Variants in C5orf58 observed in about 807,000 individuals in gnomAD.
C5orf58 encodes the protein putative uncharacterized protein C5orf58.
C5orf58 carries 2 observed loss-of-function variants against 2.9 expected under a neutral mutation model. That is an observed-to-expected ratio of 0.69 (90% CI 0.28 to 2.18). The LOEUF (loss-of-function observed/expected upper bound fraction) is 2.18, where lower values mean the gene tolerates loss of function less well. C5orf58 is among the 30% of genes most tolerant of loss of function. C5orf58 has a pLI of 0.13. For missense variants in C5orf58, 96 were observed against 91.7 expected (o/e 1.05, Z -0.19); for synonymous variants, 37 against 33.4 (o/e 1.11, Z -0.37).
chr5:170,250,843 T>G, downstream of C5orf58: 3 of 1,613,526 alleles, frequency 1.9e-6, no homozygotes, highest in South Asian at 3.3e-5. Context: ...TATGGATTGG[T>G]TGTTGTTTTT....
chr5:170,249,043 C>T (rs1045622594), downstream of C5orf58, among the ~76,000 whole-genome samples: 2 of 152,062 alleles, frequency 1.3e-5, no homozygotes, highest in African/African-American at 4.8e-5. Context: ...AAATATGGGC[C>T]GGGTGCAGTA....
At chr5:170,251,783 A>G in exon 3 of C5orf58, 1 of 383,530 alleles carries the variant, frequency 2.6e-6, no homozygotes. Context: ...CAGAATAATT[A>G]GAATCTCAAG....
downstream of C5orf58, chr5:170,246,636 C>T (rs1761303892): frequency 6.5e-6 from 1 of 153,326 alleles, no homozygotes; most frequent in Admixed American, 6.5e-5. Context: ...GCAGGCAGCT[C>T]CAAGTGTACA....
chr5:170,243,345 G>C (rs1761104990), intron 3 of C5orf58, among the ~76,000 whole-genome samples: 1 of 117,764 alleles, frequency 8.5e-6, no homozygotes, highest in Non-Finnish European at 1.8e-5. Flanking sequence ...TTGACTTTCT[G>C]TCTCATTGAT....
chr5:170,242,168 G>T (rs1192174469), intron 3 of C5orf58, among the ~76,000 whole-genome samples: 3 of 150,882 alleles, frequency 2.0e-5, no homozygotes, highest in African/African-American at 7.3e-5. Context: ...TATGCTGCTG[G>T]ATTCGTTTTG....
intron 3 of C5orf58, chr5:170,237,477 TAA>T: frequency 2.6e-6 from 1 of 391,382 alleles, no homozygotes; most frequent in South Asian, 1.4e-4. Context: ...AAGTGATTTT[TAA>T]AGAGACAAAA....
chr5:170,234,915 TA>T, intron 2 of C5orf58, 61 bp from the exon 3 acceptor site: 1 of 650,584 alleles, frequency 1.5e-6, no homozygotes, highest in Non-Finnish European at 2.6e-6. Flanking sequence ...AAAATGTAAG[TA>T]TTTTAAAAGT....
At chr5:170,245,458 C>T (rs559922854) in intron 3 of C5orf58, among the ~76,000 whole-genome samples, 89 of 152,278 alleles carry the variant, frequency 5.8e-4, no homozygotes, top group African/African-American at 2.1e-3. Context: ...AAGCCAGGTG[C>T]GGGATATAAT....
At chr5:170,249,405 T>C (rs1761379149), downstream of C5orf58, among the ~76,000 whole-genome samples, 1 of 150,870 alleles carries the variant, frequency 6.6e-6, no homozygotes, top group African/African-American at 2.4e-5. Context: ...TATATATATA[T>C]GTAATTTGAA....
chr5:170,249,267 G>C (rs530918744), downstream of C5orf58, among the ~76,000 whole-genome samples: 7 of 151,940 alleles, frequency 4.6e-5, no homozygotes, highest in African/African-American at 1.7e-4. Context: ...AGAGGTTGCA[G>C]TGAGCCGAGA....
chr5:170,243,793 T>C (rs1186799523), intron 3 of C5orf58, among the ~76,000 whole-genome samples: 1 of 151,098 alleles, frequency 6.6e-6, no homozygotes, highest in African/African-American at 2.4e-5. Context: ...AAGTTAATAT[T>C]GTTATGTGTG....
At chr5:170,245,921 T>A in intron 3 of C5orf58, 41 bp from the exon 4 acceptor site, 1 of 1,566,842 alleles carries the variant, frequency 6.4e-7, no homozygotes, top group Non-Finnish European at 8.7e-7. Context: ...TTTTATGACA[T>A]ATGTGCTACA....
chr5:170,243,715 G>T (rs1280897328), intron 3 of C5orf58, among the ~76,000 whole-genome samples: 26 of 150,418 alleles, frequency 1.7e-4, no homozygotes, highest in Non-Finnish European at 3.1e-4. Context: ...ACACTGATGG[G>T]TCTTGACTCT....
chr5:170,248,704 T>C, downstream of C5orf58: 1 of 1,612,026 alleles, frequency 6.2e-7, no homozygotes, highest in Middle Eastern at 1.7e-4. Context: ...TTGCTATGGG[T>C]ACCCTGCAGC....
downstream of C5orf58, chr5:170,247,094 G>A (rs1483700786): frequency 2.6e-5 from 4 of 152,182 alleles, no homozygotes; most frequent in African/African-American, 4.8e-5. Context: ...AAGACAAGTG[G>A]AGCTTACTCG....
At chr5:170,250,766 T>C, downstream of C5orf58, 1 of 1,613,528 alleles carries the variant, frequency 6.2e-7, no homozygotes. Context: ...ACAAGTAAAC[T>C]TGACTTTCCT....
At chr5:170,244,937 G>A (rs528968591) in intron 3 of C5orf58, among the ~76,000 whole-genome samples, 1 of 152,218 alleles carries the variant, frequency 6.6e-6, no homozygotes, top group East Asian at 1.9e-4. Context: ...TTTGATGATG[G>A]TGATGTACAG....
At chr5:170,247,411 C>G (rs142588308), downstream of C5orf58, 1 of 152,332 alleles carries the variant, frequency 6.6e-6, no homozygotes, top group East Asian at 1.9e-4. Flanking sequence ...TCCAATACCC[C>G]TTTTATTAGC....
chr5:170,242,864 G>T (rs1254531918), intron 3 of C5orf58, among the ~76,000 whole-genome samples: 1 of 149,902 alleles, frequency 6.7e-6, no homozygotes, highest in Non-Finnish European at 1.5e-5. Flanking sequence ...TTTTAATTGT[G>T]ATGTTAGGGT....
Sources: allele counts gnomAD v4.1 joint callset (sites outside exome capture counted in the v4.1 genomes callset), GRCh38; gene constraint gnomAD v4.1.1; transcripts MANE v1.5; gene names NCBI Gene and HGNC (gene_info 2026-07-23, HGNC 2026-07-21).